Variants in EBF3 observed in about 807,000 individuals in gnomAD.
The protein encoded by EBF3 is transcription factor COE3.
In EBF3, 18 loss-of-function variants were observed where a neutral mutation model predicts 77.1. The observed-to-expected ratio is 0.23, with a 90% CI of 0.16 to 0.35. The LOEUF (loss-of-function observed/expected upper bound fraction) is 0.35, where lower values mean the gene tolerates loss of function less well. Ranked by LOEUF, EBF3 falls within the 10% of genes least tolerant of loss-of-function variation. EBF3 has a pLI of 1.00. For missense variants in EBF3, 558 were observed against 860.0 expected, an observed-to-expected ratio of 0.65 and a Z score of 4.39; for synonymous variants, 350 against 343.5, an observed-to-expected ratio of 1.02 and a Z score of -0.21.
In EBF3 at chr10:129,848,887, A is replaced by T. The variant is rs1850656592; in HGVS notation, c.1040-407T>A. Among the ~76,000 whole-genome samples the T allele has an allele frequency of 6.6e-6, 1 of 152,184 alleles. No individual in the cohort carries two copies. Among genetic ancestry groups the T allele is most frequent in the Non-Finnish European group, 1.5e-5 (1 of 68,028 alleles). ...TATGTCCAGCTATTGCTAGCCTCAG[A>T]TTTATCCCTGTGGTCCTTTTTTGTC... On this transcript the variant is annotated intron_variant, in intron 10 of 16. Coordinates refer to ENST00000440978, the MANE Select transcript of EBF3 (RefSeq NM_001375380.1). This position sits in a 1 kb window ranked among gnomAD's most constrained non-coding sequence, Gnocchi z 4.4.
chr10:129,877,902 C>A, intron 6 of EBF3, 53 bp from the exon 7 acceptor site: 2 of 1,462,002 alleles, frequency 1.4e-6, no homozygotes, highest in East Asian at 2.4e-5. Flanking sequence ...ACAAAAGACT[C>A]AAACTTTTTA....
At chr10:129,871,979 C>A (rs1379660984) in intron 8 of EBF3, among the ~76,000 whole-genome samples, 1 of 152,158 alleles carries the variant, frequency 6.6e-6, no homozygotes, top group East Asian at 1.9e-4. Context: ...TCCAAGGTAC[C>A]CACTAGTGGC....
chr10:129,843,391 G>T lies in EBF3; in HGVS notation c.1129-189C>A, dbSNP rs77585913. 1.5e-3 allele frequency: 802 copies of T among 552,976 alleles called. 6 individuals are homozygous for T. Among genetic ancestry groups the T allele is most frequent in the African/African-American group, 0.013 (712 of 53,694 alleles). The allele number at this position is 552,976 out of a possible 1,614,324, so 34.3% of individuals were successfully genotyped here. Reference sequence around the variant, plus strand: ...GTGCGTGCTGACAACACTGTTTGTGGCCTTTACAAGGAGGCTGAATAAAAG... The same window carrying T: ...GTGCGTGCTGACAACACTGTTTGTGTCCTTTACAAGGAGGCTGAATAAAAG... On this transcript the variant is annotated intron_variant, in intron 11 of 16. Coordinates refer to ENST00000440978, the MANE Select transcript of EBF3 (RefSeq NM_001375380.1).
chr10:129,963,540 A>C lies in EBF3; in HGVS notation c.135-17T>G. 2 of 1,498,276 alleles carry C rather than the reference A, an allele frequency of 1.3e-6. No individual in the cohort carries two copies. The highest frequency in any genetic ancestry group is 1.8e-6 in the Non-Finnish European group (2 of 1,118,600). 92.8% of individuals were successfully genotyped at this position (1,498,276 alleles called of 1,614,324 possible). ...CCCACGCCGCTGCGGGAGGAAAGAG[A>C]CAGCGGCCCGGTGAGGAGCGCGGCG... is the stretch of plus-strand genomic sequence containing the variant. On this transcript the variant is annotated splice_polypyrimidine_tract_variant and intron_variant, in intron 1 of 16. Coordinates refer to ENST00000440978, the MANE Select transcript of EBF3 (RefSeq NM_001375380.1). This position sits in a 1 kb window ranked among gnomAD's most constrained non-coding sequence, Gnocchi z 7.1.
At position 129,840,278 on chromosome 10, in the gene EBF3, AAGG is replaced by A. The variant is rs1428782216; in HGVS notation, c.1723_1725del (p.Pro575del). 8 of 1,586,394 alleles carry A rather than the reference AAGG, an allele frequency of 5.0e-6. No individual in the cohort carries two copies. Among genetic ancestry groups the A allele is most frequent in the Non-Finnish European group, 6.0e-6 (7 of 1,166,140 alleles). On this transcript the variant is annotated inframe_deletion, in exon 15 of 17. Transcript: ENST00000440978. ...CCATTCCCGTTGGCGCTGGTGCAGG[AAGG>A]AGGAGGAGAGGCTTGGGGCCGGACC...
chr10:129,946,477 C>G (rs981505565), intron 6 of EBF3, among the ~76,000 whole-genome samples: 2 of 152,110 alleles, frequency 1.3e-5, no homozygotes, highest in Non-Finnish European at 2.9e-5. Flanking sequence ...AGCCAAATAA[C>G]ATTTTTCCTT....
At chr10:129,855,748 A>G (rs1851210384) in intron 10 of EBF3, among the ~76,000 whole-genome samples, 1 of 152,238 alleles carries the variant, frequency 6.6e-6, no homozygotes, top group African/African-American at 2.4e-5. Context: ...ATTGAATGCT[A>G]TATCCTTTTC....
chr10:129,839,924 T>C (rs1849892687), intron 15 of EBF3, among the ~76,000 whole-genome samples: 1 of 152,172 alleles, frequency 6.6e-6, no homozygotes, highest in South Asian at 2.1e-4. Context: ...TGACCACAGC[T>C]ACCTTCACCA....
intron 10 of EBF3, among the ~76,000 whole-genome samples, chr10:129,856,048 G>A (rs760007400): frequency 2.0e-5 from 3 of 152,214 alleles, no homozygotes; most frequent in Non-Finnish European, 2.9e-5. Flanking sequence ...CCGTGGGGAC[G>A]TTCCCAGCCA....
rs1043376250 is a variant in EBF3 at position 129,943,954 on chromosome 10, A to G, written c.554+13304T>C. ...CTCTGAGGGTGCAGCGCGTGTGTCCATGGGTAAAATATCTCCCCAGACCTT... is the reference window on the plus strand; with the variant it reads ...CTCTGAGGGTGCAGCGCGTGTGTCCGTGGGTAAAATATCTCCCCAGACCTT... On this transcript the variant is annotated intron_variant, in intron 6 of 16. Transcript: ENST00000440978. The surrounding 1 kb of genome is among the most constrained non-coding windows in gnomAD (Gnocchi z 8.8). Among the ~76,000 whole-genome samples the G allele has an allele frequency of 7.2e-5, 11 of 152,204 alleles. No individual in the cohort carries two copies. The highest frequency in any genetic ancestry group is 1.2e-4 in the Non-Finnish European group (8 of 68,038).
intron 6 of EBF3, among the ~76,000 whole-genome samples, chr10:129,934,811 G>A (rs1283677998): frequency 6.6e-6 from 1 of 152,142 alleles, no homozygotes; most frequent in Non-Finnish European, 1.5e-5. Context: ...TGCAGTCACA[G>A]ACAAAGGTCA....
At position 129,841,048 on chromosome 10, in the gene EBF3, C is replaced by CCCCG. The variant is rs1850010818; in HGVS notation, c.1373-20_1373-17dup. On this transcript the variant is annotated splice_polypyrimidine_tract_variant and intron_variant, in intron 13 of 16. Transcript: ENST00000440978. The surrounding 1 kb of genome is among the most constrained non-coding windows in gnomAD (Gnocchi z 4.6). ...CTGTAGCCGACTGTTGAAATCCCCC[C>CCCCG]CCCGGCCAAAAATAACATTATTATC... 3.7e-6 allele frequency: 6 copies of CCCCG among 1,602,078 alleles called. No homozygotes were observed. Among genetic ancestry groups the CCCCG allele is most frequent in the Non-Finnish European group, 4.3e-6 (5 of 1,173,934 alleles).
intron 6 of EBF3, among the ~76,000 whole-genome samples, chr10:129,942,553 G>A (rs1260847488): frequency 6.6e-6 from 1 of 152,148 alleles, no homozygotes; most frequent in Admixed American, 6.5e-5. Context: ...GGACAGTCAG[G>A]TCAAACCCAA....
chr10:129,935,856 C>T lies in EBF3; in HGVS notation c.554+21402G>A, dbSNP rs57774541. 1.3e-5 allele frequency among the ~76,000 whole-genome samples: 2 copies of T among 152,062 alleles called. No homozygotes were observed. Among genetic ancestry groups the T allele is most frequent in the South Asian group, 4.2e-4 (2 of 4,818 alleles). On this transcript the variant is annotated intron_variant, in intron 6 of 16. Transcript: ENST00000440978. The surrounding 1 kb of genome is among the most constrained non-coding windows in gnomAD (Gnocchi z 4.2). ...ACAGGAGAGGCCAAGACACCAAGAG[C>T]GGCCACGATCAGCCACAGGCAGGCA... is the stretch of plus-strand genomic sequence containing the variant.
intron 4 of EBF3, 105 bp downstream of exon 4, chr10:129,962,066 G>A (rs990152489): frequency 4.6e-6 from 5 of 1,075,360 alleles, no homozygotes; most frequent in African/African-American, 3.2e-5. Flanking sequence ...GAAACTCAAT[G>A]GAAAACAAAT....
chr10:129,937,125 A>C (rs6482767), intron 6 of EBF3, among the ~76,000 whole-genome samples: 10,083 of 152,226 alleles, frequency 0.066, 1,078 homozygotes, highest in African/African-American at 0.23. Context: ...TGGCTGTCTG[A>C]AAGTGGGACA....
At chr10:129,838,067 G>T (rs1460451138) in intron 16 of EBF3, 107 bp from the exon 17 acceptor site, 1 of 1,369,642 alleles carries the variant, frequency 7.3e-7, no homozygotes, top group Non-Finnish European at 1.0e-6. Flanking sequence ...CTGGGAGGCT[G>T]GTCTTGCACA....
rs538664151 is a variant in EBF3, at chr10:129,863,182, T to C, written c.1039+3959A>G. Among the ~76,000 whole-genome samples the C allele has an allele frequency of 8.2e-4, 125 of 152,336 alleles. No individual in the cohort carries two copies. The highest frequency in any genetic ancestry group is 3.0e-3 in the African/African-American group (125 of 41,578). ...TGCTAGCCGCTTGAAAATTGTTCTC[T>C]CTCTCTAATTTCTGACCTTCTTACA... is the stretch of plus-strand genomic sequence containing the variant. On this transcript the variant is annotated intron_variant, in intron 10 of 16. Coordinates refer to ENST00000440978, the MANE Select transcript of EBF3 (RefSeq NM_001375380.1). This position sits in a 1 kb window ranked among gnomAD's most constrained non-coding sequence, Gnocchi z 4.0.
At chr10:129,948,262 A>C (rs1312199233) in intron 6 of EBF3, among the ~76,000 whole-genome samples, 2 of 119,168 alleles carry the variant, frequency 1.7e-5, no homozygotes, top group Non-Finnish European at 1.6e-5. Context: ...TCCGTCTCAA[A>C]AAAAAAAAAA....
Sources: gnomAD v4.1 joint callset for allele counts (sites outside exome capture counted in the v4.1 genomes callset) on GRCh38, gnomAD v4.1.1 for gene constraint, Gnocchi (gnomAD v3.1) non-coding constraint, MANE v1.5 for transcripts, NCBI Gene and HGNC (gene_info 2026-07-23, HGNC 2026-07-21) for gene names.